Variants in GPC6 observed in about 807,000 individuals in gnomAD.
The protein encoded by GPC6 is glypican 6, also known as glypican-6.
GPC6 carries 14 observed loss-of-function variants against 55.2 expected under a neutral mutation model. The observed-to-expected ratio is 0.25, with a 90% CI of 0.17 to 0.40. The LOEUF is 0.40. Among genes scored for constraint, GPC6 ranks in the 10% least tolerant of loss-of-function variants. The pLI is 1.00. For missense variants in GPC6, 641 were observed against 708.5 expected, an observed-to-expected ratio of 0.90 and a Z score of 1.08; for synonymous variants, 278 against 259.6, an observed-to-expected ratio of 1.07 and a Z score of -0.68.
At chr13:93,766,771 G>A (rs989733105) in intron 2 of GPC6, among the ~76,000 whole-genome samples, 7 of 151,956 alleles carry the variant, frequency 4.6e-5, no homozygotes, top group African/African-American at 1.7e-4. Context: ...AAACAGTCCC[G>A]TAAAATAGTA....
intron 1 of GPC6, among the ~76,000 whole-genome samples, chr13:93,258,188 A>G (rs1420400147): frequency 2.6e-5 from 4 of 152,158 alleles, no homozygotes; most frequent in African/African-American, 4.8e-5. Flanking sequence ...TGCTTTCCCC[A>G]GCTCCTTTGC....
intron 2 of GPC6, among the ~76,000 whole-genome samples, chr13:93,828,293 A>G (rs912010582): frequency 3.3e-5 from 5 of 152,064 alleles, no homozygotes; most frequent in African/African-American, 1.2e-4. Context: ...CTGTTCCTGT[A>G]TCAGCAAGGC....
chr13:93,273,472 C>A (rs1877615573), intron 1 of GPC6, among the ~76,000 whole-genome samples: 1 of 152,108 alleles, frequency 6.6e-6, no homozygotes, highest in South Asian at 2.1e-4. Flanking sequence ...TTCTGGCTAA[C>A]ACGGTGAAAC....
chr13:94,359,733 AG>A (rs1473647465), intron 6 of GPC6, among the ~76,000 whole-genome samples: 3 of 152,138 alleles, frequency 2.0e-5, no homozygotes, highest in African/African-American at 7.2e-5. Flanking sequence ...ATTAACAGAA[AG>A]CCCCTGGCGT....
In GPC6 at chr13:93,969,975, T is replaced by A. The variant is rs80184027; in HGVS notation, c.712-57754T>A. 4.8e-4 allele frequency among the ~76,000 whole-genome samples: 73 copies of A among 152,322 alleles called. 1 individual carries two copies. The East Asian group carries it at 0.011, about 24-fold the overall frequency. ...TCACCAGGTGTGATTATGTTCATTCTCCAGGTGAGGTTAAGGGACTTACTG... is the reference window on the plus strand; with the variant it reads ...TCACCAGGTGTGATTATGTTCATTCACCAGGTGAGGTTAAGGGACTTACTG... On this transcript the variant is annotated intron_variant, in intron 3 of 8. Transcript: ENST00000377047.
chr13:94,023,896 G>T lies in GPC6; in HGVS notation c.712-3833G>T, dbSNP rs909650251. Among the ~76,000 whole-genome samples, 11 of 152,098 alleles carry T rather than the reference G, an allele frequency of 7.2e-5. No homozygotes were observed. The East Asian group carries it at 1.9e-3, about 27-fold the overall frequency. On this transcript the variant is annotated intron_variant, in intron 3 of 8. Coordinates refer to ENST00000377047, the MANE Select transcript of GPC6 (RefSeq NM_005708.5). ...AAGCTCAAAAGGTTACTTATTGTATGGTTTTATTTATATAGAATTCTTGAA... is the reference window on the plus strand; with the variant it reads ...AAGCTCAAAAGGTTACTTATTGTATTGTTTTATTTATATAGAATTCTTGAA...
intron 3 of GPC6, among the ~76,000 whole-genome samples, chr13:93,839,252 T>C (rs1887861640): frequency 6.6e-6 from 1 of 152,164 alleles, no homozygotes; most frequent in East Asian, 1.9e-4. Context: ...CAAAGCTTGG[T>C]TCGTGGACTG....
intron 4 of GPC6, among the ~76,000 whole-genome samples, chr13:94,223,490 C>G (rs1890449737): frequency 6.6e-6 from 1 of 152,132 alleles, no homozygotes; most frequent in African/African-American, 2.4e-5. Context: ...AATCACATAG[C>G]TACCTGGTTA....
At chr13:93,720,477 G>A (rs1431196161) in intron 2 of GPC6, among the ~76,000 whole-genome samples, 1 of 151,648 alleles carries the variant, frequency 6.6e-6, no homozygotes, top group African/African-American at 2.4e-5. Context: ...TTTTGGTCTG[G>A]CTAGCAGTCC....
chr13:93,863,518 T>C (rs1053990713), intron 3 of GPC6, among the ~76,000 whole-genome samples: 1 of 151,720 alleles, frequency 6.6e-6, no homozygotes, highest in Admixed American at 6.6e-5. Flanking sequence ...CTTTTAATAT[T>C]CTCTAAGCAT....
At chr13:93,263,229 C>T (rs895345414) in intron 1 of GPC6, among the ~76,000 whole-genome samples, 2 of 152,120 alleles carry the variant, frequency 1.3e-5, no homozygotes, top group African/African-American at 4.8e-5. Flanking sequence ...CAGCTTGGCC[C>T]ACACCGTGGG....
chr13:94,312,710 A>G (rs1472563358), intron 6 of GPC6, among the ~76,000 whole-genome samples: 4 of 128,336 alleles, frequency 3.1e-5, no homozygotes, highest in South Asian at 4.8e-4. Context: ...ACACACACGC[A>G]CACGCGCACG....
At chr13:94,190,960 AAG>A (rs939866884) in intron 4 of GPC6, among the ~76,000 whole-genome samples, 1 of 152,170 alleles carries the variant, frequency 6.6e-6, no homozygotes, top group Non-Finnish European at 1.5e-5. Flanking sequence ...ATATATATAT[AAG>A]AGAGAGAGTG....
intron 1 of GPC6, among the ~76,000 whole-genome samples, chr13:93,394,121 T>A (rs1434078922): frequency 1.3e-5 from 2 of 152,218 alleles, no homozygotes; most frequent in Admixed American, 1.3e-4. Context: ...TTTCAAATAT[T>A]ACTACCTCTA....
At chr13:93,401,155 CGTGTGTGTGTGTGTGTGT>C (rs5805802) in intron 1 of GPC6, among the ~76,000 whole-genome samples, 20 of 143,538 alleles carry the variant, frequency 1.4e-4, no homozygotes, top group Middle Eastern at 3.5e-3. Flanking sequence ...AGGTATTTGT[CGTGTGTGTGTGTGTGTGT>C]GTGTGTGTGT....
intron 6 of GPC6, among the ~76,000 whole-genome samples, chr13:94,370,452 G>A (rs1457927877): frequency 6.6e-6 from 1 of 152,140 alleles, no homozygotes; most frequent in Admixed American, 6.5e-5. Context: ...CTGTGTACAA[G>A]TCATATTTTG....
At chr13:93,329,799 C>G (rs1427897182) in intron 1 of GPC6, among the ~76,000 whole-genome samples, 1 of 151,544 alleles carries the variant, frequency 6.6e-6, no homozygotes, top group Non-Finnish European at 1.5e-5. Context: ...TCCTTTTTCC[C>G]CATTACCTTA....
At chr13:93,991,903 T>C (rs1397196352) in intron 3 of GPC6, among the ~76,000 whole-genome samples, 2 of 152,136 alleles carry the variant, frequency 1.3e-5, no homozygotes, top group Admixed American at 1.3e-4. Flanking sequence ...TCTGAAGATT[T>C]TAAAAACATT....
chr13:93,306,119 G>A (rs1841789197), intron 1 of GPC6, among the ~76,000 whole-genome samples: 1 of 152,154 alleles, frequency 6.6e-6, no homozygotes, highest in South Asian at 2.1e-4. Context: ...GTACTGAACA[G>A]TCACATTCCA....
Sources: gnomAD v4.1 joint callset for allele counts (sites outside exome capture counted in the v4.1 genomes callset) on GRCh38, gnomAD v4.1.1 for gene constraint, MANE v1.5 for transcripts, NCBI Gene and HGNC (gene_info 2026-07-23, HGNC 2026-07-21) for gene names.